Variants in ZBTB7C observed in about 807,000 individuals in gnomAD.
ZBTB7C encodes zinc finger and BTB domain-containing protein 7C.
Under a neutral mutation model 25.7 loss-of-function variants are expected in ZBTB7C, and 8 were observed. That is an observed-to-expected ratio of 0.31 (90% CI 0.18 to 0.56). ZBTB7C has a LOEUF of 0.56. ZBTB7C is among the 20% of genes least tolerant of loss of function. The pLI, the probability that ZBTB7C is intolerant of heterozygous loss-of-function variation, is 0.91. For missense variants in ZBTB7C, 824 were observed against 855.2 expected (o/e 0.96, Z 0.46); for synonymous variants, 394 against 369.0 (o/e 1.07, Z -0.78).
intron 2 of ZBTB7C, among the ~76,000 whole-genome samples, chr18:48,328,464 TATTATTTTTGTA>T (rs1169347391): frequency 6.6e-6 from 1 of 152,222 alleles, no homozygotes; most frequent in Non-Finnish European, 1.5e-5. Context: ...ACAAAGCAGT[TATTATTTTTGTA>T]ATTTGAACAA....
At chr18:48,181,244 T>C (rs111344990) in intron 3 of ZBTB7C, among the ~76,000 whole-genome samples, 3,112 of 152,200 alleles carry the variant, frequency 0.02, 106 homozygotes, top group African/African-American at 0.071. Flanking sequence ...GCTAATGCTG[T>C]TCATATGAAT....
At chr18:48,200,888 C>T (rs140376160) in intron 2 of ZBTB7C, among the ~76,000 whole-genome samples, 8 of 152,332 alleles carry the variant, frequency 5.3e-5, no homozygotes, top group African/African-American at 9.6e-5. Flanking sequence ...GCAACAGACA[C>T]GGTCCCACTC....
At chr18:48,206,954 C>T (rs1338159311) in intron 2 of ZBTB7C, among the ~76,000 whole-genome samples, 1 of 151,956 alleles carries the variant, frequency 6.6e-6, no homozygotes, top group African/African-American at 2.4e-5. Flanking sequence ...AGATATGTGA[C>T]AGAGAAATCA....
chr18:48,027,406 A>G lies in ZBTB7C; in HGVS notation c.*1854T>C, dbSNP rs954171826. 7.3e-5 allele frequency: 11 copies of G among 151,542 alleles called. No homozygotes were observed. The highest frequency in any genetic ancestry group is 2.7e-4 in the African/African-American group (11 of 41,268). The allele number at this position is 151,542 out of a possible 1,614,324, so 9.4% of individuals were successfully genotyped here. A position where few individuals can be genotyped will look rare whatever the true frequency, so the allele number is the denominator to read the frequency against. The stretch of plus-strand genomic sequence containing the variant: ...TCTTTTAAAGTCTGGTTCAGCCCCA[A>G]TCACTTGGCTGATGGGGGGGAACAC... On this transcript the variant is annotated 3_prime_UTR_variant, in exon 5 of 5. Transcript: ENST00000590800.
At chr18:48,357,113 TTAA>T (rs2046992954) in intron 1 of ZBTB7C, among the ~76,000 whole-genome samples, 1 of 152,188 alleles carries the variant, frequency 6.6e-6, no homozygotes, top group African/African-American at 2.4e-5. Flanking sequence ...TGTGCTAAGA[TTAA>T]TCTATGAGAT....
chr18:48,382,355 C>T (rs1023887869), intron 1 of ZBTB7C, among the ~76,000 whole-genome samples: 24 of 152,264 alleles, frequency 1.6e-4, no homozygotes, highest in Middle Eastern at 3.4e-3. Context: ...TACTAAAAAA[C>T]GACAAATAAT....
At chr18:48,400,014 CT>C (rs1212072563) in intron 1 of ZBTB7C, among the ~76,000 whole-genome samples, 1 of 152,148 alleles carries the variant, frequency 6.6e-6, no homozygotes, top group Non-Finnish European at 1.5e-5. Context: ...TCTTTTATGG[CT>C]GCCATTCAAA....
intron 3 of ZBTB7C, among the ~76,000 whole-genome samples, chr18:48,104,097 T>C (rs776150920): frequency 3.9e-5 from 6 of 152,168 alleles, no homozygotes; most frequent in Non-Finnish European, 8.8e-5. Context: ...TGGTATGTGA[T>C]ATAGTTTGGA....
At chr18:48,279,285 G>A (rs1032012154) in intron 2 of ZBTB7C, among the ~76,000 whole-genome samples, 1 of 152,192 alleles carries the variant, frequency 6.6e-6, no homozygotes, top group African/African-American at 2.4e-5. Flanking sequence ...TGAAGTGACA[G>A]GCTGGCAGAT....
chr18:48,175,031 C>T (rs920779406), intron 3 of ZBTB7C, among the ~76,000 whole-genome samples: 18 of 152,172 alleles, frequency 1.2e-4, no homozygotes, highest in Admixed American at 8.5e-4. Flanking sequence ...TCCAACTAAA[C>T]CTTCTATCTC....
In ZBTB7C at chr18:48,288,171, A is replaced by C. The variant is rs2045113369; in HGVS notation, c.-79+50003T>G. On this transcript the variant is annotated intron_variant, in intron 2 of 4. Transcript: ENST00000590800. The stretch of plus-strand genomic sequence containing the variant: ...CTAAAAGAATGTATAGCAATGTGTT[A>C]GAATTTATAAGAATACAAAGATTGC... Among the ~76,000 whole-genome samples the C allele has an allele frequency of 2.6e-5, 4 of 152,272 alleles. No homozygotes were observed. In the South Asian group the frequency reaches 8.3e-4, roughly 31 times the overall value.
Position 48,320,517 on chromosome 18 carries a change from C to T in ZBTB7C, c.-79+17657G>A, listed in dbSNP as rs906951415. Reference sequence around the variant, plus strand: ...TTGTGCTAATCCAGGTGAGAGGTGACGGCTGCCAGCACCTGAGAGATGACA... The same window carrying T: ...TTGTGCTAATCCAGGTGAGAGGTGATGGCTGCCAGCACCTGAGAGATGACA... On this transcript the variant is annotated intron_variant, in intron 2 of 4. Coordinates refer to ENST00000590800, the MANE Select transcript of ZBTB7C (RefSeq NM_001318841.2). 4.6e-5 allele frequency among the ~76,000 whole-genome samples: 7 copies of T among 152,182 alleles called. 1 individual carries two copies. Among genetic ancestry groups the T allele is most frequent in the Admixed American group, 3.3e-4 (5 of 15,276 alleles).
chr18:48,121,798 T>C (rs2039638952), intron 3 of ZBTB7C, among the ~76,000 whole-genome samples: 1 of 152,138 alleles, frequency 6.6e-6, no homozygotes, highest in African/African-American at 2.4e-5. Context: ...GCGGGGGACC[T>C]GGGCCCTGAT....
intron 2 of ZBTB7C, among the ~76,000 whole-genome samples, chr18:48,189,208 G>A (rs1330025034): frequency 6.6e-6 from 1 of 152,206 alleles, no homozygotes; most frequent in East Asian, 1.9e-4. Context: ...CCAGGTGAAC[G>A]CTCAGTTCCT....
chr18:48,325,440 CAT>C (rs1452477646), intron 2 of ZBTB7C, among the ~76,000 whole-genome samples: 3 of 152,226 alleles, frequency 2.0e-5, no homozygotes, highest in Non-Finnish European at 2.9e-5. Flanking sequence ...TAATATGAAA[CAT>C]GTGTGAAATA....
At chr18:48,403,673 CA>C (rs2048212073) in intron 1 of ZBTB7C, among the ~76,000 whole-genome samples, 1 of 152,108 alleles carries the variant, frequency 6.6e-6, no homozygotes, top group African/African-American at 2.4e-5. Context: ...AGACAATAAA[CA>C]AAAGGAGAAT....
At position 48,031,833 on chromosome 18, in the gene ZBTB7C, C is replaced by T. The variant is rs563997127; in HGVS notation, c.1209-1922G>A. On this transcript the variant is annotated intron_variant, in intron 4 of 4. Coordinates refer to ENST00000590800, the MANE Select transcript of ZBTB7C (RefSeq NM_001318841.2). ...AACTCACCCAGAGGGTCATGGCAGGCCCGGGAGTCAAGGCCTCTTTTCTCA... is the reference window on the plus strand; with the variant it reads ...AACTCACCCAGAGGGTCATGGCAGGTCCGGGAGTCAAGGCCTCTTTTCTCA... 5.3e-5 allele frequency among the ~76,000 whole-genome samples: 8 copies of T among 152,344 alleles called. No individual in the cohort carries two copies. The East Asian group carries it at 1.5e-3, about 29-fold the overall frequency.
chr18:48,149,205 CGTGT>C (rs1036898526), intron 3 of ZBTB7C: 2 of 140,298 alleles, frequency 1.4e-5, no homozygotes, highest in Admixed American at 7.0e-5. Context: ...TGTGTGCACG[CGTGT>C]GTGTATGCAT....
At chr18:48,288,776 A>G (rs1442913836) in intron 2 of ZBTB7C, among the ~76,000 whole-genome samples, 1 of 152,236 alleles carries the variant, frequency 6.6e-6, no homozygotes, top group Non-Finnish European at 1.5e-5. Flanking sequence ...CTCACCAGAC[A>G]TCGAATCTGC....
Sources: allele counts gnomAD v4.1 joint callset (sites outside exome capture counted in the v4.1 genomes callset), GRCh38; gene constraint gnomAD v4.1.1; transcripts MANE v1.5; gene names NCBI Gene and HGNC (gene_info 2026-07-23, HGNC 2026-07-21).